ADGRL2: variants seen among roughly 807,000 people sequenced by gnomAD.
ADGRL2 encodes adhesion G protein-coupled receptor L2, also known as calcium-independent alpha-latrotoxin receptor 2.
A neutral mutation model predicts 157.4 loss-of-function variants in ADGRL2; 44 were observed. The observed-to-expected ratio is 0.28, with a 90% CI of 0.22 to 0.36. The LOEUF (loss-of-function observed/expected upper bound fraction) is 0.36. Among genes scored for constraint, ADGRL2 ranks in the 10% least tolerant of loss-of-function variants. The pLI is 1.00. For synonymous variants in ADGRL2, 585 were observed against 624.7 expected (o/e 0.94, Z 0.95); for missense variants, 1,510 against 1,768.9 (o/e 0.85, Z 2.63).
At chr1:81,467,909 C>G (rs2078093810) in intron 2 of ADGRL2, among the ~76,000 whole-genome samples, 1 of 151,830 alleles carries the variant, frequency 6.6e-6, no homozygotes, top group African/African-American at 2.4e-5. Flanking sequence ...AAAAAAAAAT[C>G]AGAATTGAAA....
chr1:81,818,706 G>A (rs962800962), intron 1 of ADGRL2, among the ~76,000 whole-genome samples: 3 of 152,106 alleles, frequency 2.0e-5, no homozygotes, highest in Non-Finnish European at 4.4e-5. Flanking sequence ...AGGTTCACTA[G>A]GTTGTGAAAT....
intron 3 of ADGRL2, among the ~76,000 whole-genome samples, chr1:81,662,643 C>A (rs2082676006): frequency 6.6e-6 from 1 of 152,032 alleles, no homozygotes. Flanking sequence ...CAACCTCCAC[C>A]TCCCAGGTTC....
chr1:81,524,969 A>G (rs2079418166), intron 2 of ADGRL2, among the ~76,000 whole-genome samples: 1 of 152,216 alleles, frequency 6.6e-6, no homozygotes, highest in African/African-American at 2.4e-5. Flanking sequence ...AAAGTACCCA[A>G]GAAAGTAACA....
chr1:81,928,082 G>A (rs922001706), intron 3 of ADGRL2, among the ~76,000 whole-genome samples: 2 of 151,874 alleles, frequency 1.3e-5, no homozygotes, highest in Non-Finnish European at 2.9e-5. Context: ...ATTTGCATTG[G>A]TGCCTACCTA....
chr1:81,310,648 C>T (rs1351698748), intron 1 of ADGRL2, among the ~76,000 whole-genome samples: 1 of 152,108 alleles, frequency 6.6e-6, no homozygotes, highest in African/African-American at 2.4e-5. Flanking sequence ...AGCCCAAGAA[C>T]CTATCTTTAA....
intron 2 of ADGRL2, among the ~76,000 whole-genome samples, chr1:81,781,538 C>T (rs2149382475): frequency 6.6e-6 from 1 of 152,250 alleles, no homozygotes; most frequent in South Asian, 2.1e-4. Context: ...TACTGTTACG[C>T]ACCTTAAGCC....
At chr1:81,381,952 G>A (rs1275031559) in intron 1 of ADGRL2, among the ~76,000 whole-genome samples, 1 of 152,136 alleles carries the variant, frequency 6.6e-6, no homozygotes, top group Admixed American at 6.5e-5. Flanking sequence ...GCTGAAGGAG[G>A]TCATGCCCTT....
At chr1:81,871,653 T>A (rs922318420) in intron 2 of ADGRL2, among the ~76,000 whole-genome samples, 1 of 152,140 alleles carries the variant, frequency 6.6e-6, no homozygotes, top group Admixed American at 6.5e-5. Context: ...GATATCTCAT[T>A]GTGGTTTTGA....
chr1:81,399,038 T>G (rs2101223439), intron 1 of ADGRL2, among the ~76,000 whole-genome samples: 1 of 152,282 alleles, frequency 6.6e-6, no homozygotes, highest in South Asian at 2.1e-4. Flanking sequence ...TTCCTGAAGC[T>G]TAACAGGAAG....
chr1:81,585,823 A>C (rs2081014535), intron 3 of ADGRL2: 2 of 152,062 alleles, frequency 1.3e-5, no homozygotes, highest in African/African-American at 4.8e-5. Flanking sequence ...TTAGCATTAC[A>C]ACTTCATTTT....
rs962483589 is a variant in ADGRL2 at position 81,562,136 on chromosome 1, A to G, written c.-247-18740A>G. On this transcript the variant is annotated intron_variant, in intron 2 of 24. Transcript: ENST00000370721. ...TAGTTCTGGTTGCAAGGAGAAGGAC[A>G]ATTTTATAAATAATAAATAGAAGAT... Among the ~76,000 whole-genome samples the G allele has an allele frequency of 5.9e-5, 9 of 152,284 alleles. No homozygotes were observed. In the East Asian group the frequency reaches 1.7e-3, roughly 29 times the overall value.
chr1:81,943,433 A>G lies in ADGRL2; in HGVS notation c.874A>G (p.Ile292Val). The G allele has an allele frequency of 6.2e-7, 1 of 1,613,758 alleles. No homozygotes were observed. The highest frequency in any genetic ancestry group is 8.5e-7 in the Non-Finnish European group (1 of 1,179,762). ...TGAACAGAACAATGGAATGATAGTT[A>G]TTAGCCAGCTGAATCCATACACTCT... ...ATEQNNGMIVISQLNPYTLRF... is the reference protein window; with the variant it reads ...ATEQNNGMIVVSQLNPYTLRF... The change falls in exon 6 of 24, where the codon ATT (isoleucine) becomes GTT (valine). Residue 292 changes from isoleucine to valine, a missense_variant. Coordinates refer to ENST00000686636, the MANE Select transcript of ADGRL2 (RefSeq NM_001366006.2). The surrounding 1 kb of genome is among the most constrained non-coding windows in gnomAD (Gnocchi z 5.6).
At chr1:81,967,004 T>G (rs1356366142) in intron 13 of ADGRL2, among the ~76,000 whole-genome samples, 3 of 152,206 alleles carry the variant, frequency 2.0e-5, no homozygotes, top group Non-Finnish European at 1.5e-5. Context: ...ATTAGTTTAC[T>G]GATCACGTTT....
intron 1 of ADGRL2, among the ~76,000 whole-genome samples, chr1:81,718,459 A>T (rs1570944055): frequency 6.7e-6 from 1 of 150,146 alleles, no homozygotes; most frequent in Non-Finnish European, 1.5e-5. Context: ...AGAATGTAGC[A>T]TTAAAAAAAA....
chr1:81,407,215 G>C (rs995897197), intron 1 of ADGRL2, among the ~76,000 whole-genome samples: 1 of 152,200 alleles, frequency 6.6e-6, no homozygotes, highest in African/African-American at 2.4e-5. Flanking sequence ...TTTCTGGCGA[G>C]AGAGATTTCA....
intron 21 of ADGRL2, 67 bp from the exon 22 acceptor site, chr1:81,986,834 G>A: frequency 1.3e-6 from 2 of 1,517,916 alleles, no homozygotes; most frequent in Non-Finnish European, 9.0e-7. Flanking sequence ...GACTACAACT[G>A]TAACACTAAA....
intron 3 of ADGRL2, among the ~76,000 whole-genome samples, chr1:81,932,622 G>A (rs1178182423): frequency 6.6e-6 from 1 of 152,186 alleles, no homozygotes; most frequent in Non-Finnish European, 1.5e-5. Flanking sequence ...TGTTAAATCT[G>A]AGATGGCTGG....
chr1:81,962,410 A>G (rs1177244455), intron 11 of ADGRL2, among the ~76,000 whole-genome samples: 2 of 152,156 alleles, frequency 1.3e-5, no homozygotes, highest in Admixed American at 6.5e-5. Flanking sequence ...TAAAGATTAT[A>G]TAGTTTACAG....
chr1:81,405,605 A>T (rs1490303151), intron 1 of ADGRL2, among the ~76,000 whole-genome samples: 1 of 150,246 alleles, frequency 6.7e-6, no homozygotes, highest in Non-Finnish European at 1.5e-5. Context: ...AGTTGTGATT[A>T]TACCACCGCA....
Sources: gnomAD v4.1 joint callset for allele counts (sites outside exome capture counted in the v4.1 genomes callset) on GRCh38, gnomAD v4.1.1 for gene constraint, Gnocchi (gnomAD v3.1) non-coding constraint, MANE v1.5 for transcripts, NCBI Gene and HGNC (gene_info 2026-07-23, HGNC 2026-07-21) for gene names.